Variants in MEF2B observed in about 807,000 individuals in gnomAD.
The protein encoded by MEF2B is myocyte-specific enhancer factor 2B.
MEF2B carries 15 observed loss-of-function variants against 32.2 expected under a neutral mutation model. The ratio of observed to expected loss-of-function variants is 0.47; its 90% CI spans 0.31 to 0.72. The LOEUF (loss-of-function observed/expected upper bound fraction) is 0.72, where lower values mean the gene tolerates loss of function less well. MEF2B is among the 30% of genes least tolerant of loss of function. The pLI is 0.05. For missense variants in MEF2B, 441 were observed against 511.5 expected (o/e 0.86, Z 1.33); for synonymous variants, 205 against 225.6 (o/e 0.91, Z 0.82).
intron 1 of MEF2B, among the ~76,000 whole-genome samples, chr19:19,158,191 G>A (rs1367013935): frequency 2.6e-5 from 4 of 151,328 alleles, no homozygotes; most frequent in Admixed American, 1.3e-4. Flanking sequence ...GAGTTCAAGC[G>A]ATTCTCCTGT....
intron 1 of MEF2B, among the ~76,000 whole-genome samples, 190 bp downstream of exon 1, chr19:19,170,000 CCACACCCTTCAGACA>C (rs2060241247): frequency 6.6e-6 from 1 of 152,130 alleles, no homozygotes; most frequent in African/African-American, 2.4e-5. Flanking sequence ...ACTTCCAGAC[CCACACCCTTCAGACA>C]CACACCCCTT....
In MEF2B at chr19:19,147,152, A is replaced by G. The variant is rs1423426462; in HGVS notation, c.425T>C (p.Val142Ala). The change falls in exon 5 of 9, where the codon GTG (valine) becomes GCG (alanine). Residue 142 changes from valine (V) to alanine (A), a missense_variant. This residue lies in a region of MEF2B where 326 missense variants were observed against 328.4 expected (regional missense o/e 0.99). Coordinates refer to ENST00000424583, the MANE Select transcript of MEF2B (RefSeq NM_001145785.2). ...TGGTGGCGGTAAGGCCCCGTATACC[A>G]CATCTGGGCTGGGCATAGCAGGAGC... The part of the protein sequence containing the change: ...PAAPAMPSPD[V>A]VYGALPPPGC... 1 of 1,589,990 alleles carries G rather than the reference A, an allele frequency of 6.3e-7. No homozygotes were observed. Among genetic ancestry groups the G allele is most frequent in the South Asian group, 1.1e-5 (1 of 87,970 alleles).
Position 19,149,232 on chromosome 19 carries a change from G to C in MEF2B, c.252C>G (p.Ile84Met), listed in dbSNP as rs867544586. 6.2e-7 allele frequency: 1 copy of C among 1,613,744 alleles called. No individual in the cohort carries two copies. The highest frequency in any genetic ancestry group is 2.2e-5 in the East Asian group (1 of 44,828). ...EPHESRTNTDILETLKRRGIG... is the reference protein window; with the variant it reads ...EPHESRTNTDMLETLKRRGIG... ...GGAGGAGGACCTGGGGTACCTCGAG[G>C]ATGTCAGTGTTGGTGCGGCTCTCGT... Residue 84 changes from isoleucine (I) to methionine (M), a missense_variant, in exon 3 of 9, where the codon ATC (isoleucine) becomes ATG (methionine). Physicochemically the swap from Ile to Met is conservative, Grantham distance 10. Transcript: ENST00000424583.
intron 1 of MEF2B, among the ~76,000 whole-genome samples, chr19:19,166,613 G>C (rs1446887520): frequency 2.1e-5 from 2 of 96,366 alleles, no homozygotes; most frequent in Admixed American, 1.1e-4. Flanking sequence ...AAAAAAAAAA[G>C]CCAGGCAAGG....
At chr19:19,161,850 C>T (rs1296689952) in intron 1 of MEF2B, among the ~76,000 whole-genome samples, 6 of 151,558 alleles carry the variant, frequency 4.0e-5, no homozygotes, top group Non-Finnish European at 8.8e-5. Flanking sequence ...CTTTGTCACC[C>T]AGGCTGGAGT....
At chr19:19,164,929 G>C (rs1810653417) in intron 1 of MEF2B, among the ~76,000 whole-genome samples, 1 of 152,180 alleles carries the variant, frequency 6.6e-6, no homozygotes, top group South Asian at 2.1e-4. Context: ...CTCCCTGCGG[G>C]GCCTCAGAAA....
At chr19:19,154,796 G>A (rs1277407839) in intron 1 of MEF2B, among the ~76,000 whole-genome samples, 2 of 152,204 alleles carry the variant, frequency 1.3e-5, no homozygotes, top group African/African-American at 4.8e-5. Flanking sequence ...CTCAGCTCAT[G>A]GCTTCCATGG....
chr19:19,168,276 T>C (rs1355577933), intron 1 of MEF2B, among the ~76,000 whole-genome samples: 2 of 146,328 alleles, frequency 1.4e-5, no homozygotes, highest in Non-Finnish European at 3.0e-5. Context: ...TTCTTTTTTT[T>C]TTTTTTTTTT....
chr19:19,147,054 G>A lies in MEF2B; in HGVS notation c.523C>T (p.Pro175Ser). The change falls in exon 5 of 9, where the codon CCC becomes TCC. Residue 175 changes from proline (P) to serine (S), a missense_variant. By Grantham distance (74) the Pro-to-Ser change is moderately conservative. Coordinates refer to ENST00000424583, the MANE Select transcript of MEF2B (RefSeq NM_001145785.2). ...TGCTCACCTGGGGGCCCGGCTTTGG[G>A]GGCTGCTGGTCGGAAGGGAGATGGG... ...SRPSPFRPAA[P>S]KAGPPGLVHP... 1 of 1,605,440 alleles carries A rather than the reference G, an allele frequency of 6.2e-7. No individual in the cohort carries two copies. The highest frequency in any genetic ancestry group is 8.5e-7 in the Non-Finnish European group (1 of 1,176,766).
rs367604408 is a variant in MEF2B, at chr19:19,163,551, C to T, written c.-30+6654G>A. Among the ~76,000 whole-genome samples the T allele has an allele frequency of 2.6e-5, 4 of 152,302 alleles. No homozygotes were observed. The East Asian group carries it at 5.8e-4, about 22-fold the overall frequency. ...GCATCTCGCCCTGCCGGCTTCCCAG[C>T]GCCTAGTACATAGAAGGCCCTCAAT... On this transcript the variant is annotated intron_variant, in intron 1 of 8. Coordinates refer to ENST00000424583, the MANE Select transcript of MEF2B (RefSeq NM_001145785.2).
chr19:19,164,966 T>C (rs1599735654), intron 1 of MEF2B, among the ~76,000 whole-genome samples: 1 of 152,182 alleles, frequency 6.6e-6, no homozygotes, highest in South Asian at 2.1e-4. Flanking sequence ...CCAGCCTCCC[T>C]GCTTGGGAAA....
Position 19,145,997 on chromosome 19 carries a change from C to A in MEF2B, c.907G>T (p.Gly303Cys). The change falls in exon 9 of 9, where the codon GGT becomes TGT. Residue 303 changes from glycine to cysteine, a missense_variant. Gly to Cys is a radical substitution (Grantham distance 159). Coordinates refer to ENST00000424583, the MANE Select transcript of MEF2B (RefSeq NM_001145785.2). This position sits in a 1 kb window ranked among gnomAD's most constrained non-coding sequence, Gnocchi z 4.6. ...PSGGRSLGEEGPPTRGASPPT... is the reference protein window; with the variant it reads ...PSGGRSLGEECPPTRGASPPT... ...GGGGAGGCGCCGCGGGTTGGGGGAC[C>A]CTCCTCGCCCAGGCTTCGGCCCCCA... 7.0e-7 allele frequency: 1 copy of A among 1,432,210 alleles called. No individual in the cohort carries two copies. The highest frequency in any genetic ancestry group is 9.1e-7 in the Non-Finnish European group (1 of 1,094,114). 88.7% of individuals were successfully genotyped at this position (1,432,210 alleles called of 1,614,324 possible).
At chr19:19,149,968 C>T (rs2060059065) in intron 2 of MEF2B, among the ~76,000 whole-genome samples, 2 of 150,996 alleles carry the variant, frequency 1.3e-5, no homozygotes, top group Admixed American at 6.6e-5. Flanking sequence ...GCCTGTAATC[C>T]CAGCTGTTCG....
At chr19:19,150,641 G>C in intron 2 of MEF2B, 41 bp downstream of exon 2, 1 of 1,613,384 alleles carries the variant, frequency 6.2e-7, no homozygotes, top group Non-Finnish European at 8.5e-7. Flanking sequence ...CCCCCTGCTA[G>C]GAATGTCTTT....
chr19:19,147,005 C>T, intron 5 of MEF2B, 31 bp downstream of exon 5: 5 of 1,573,148 alleles, frequency 3.2e-6, no homozygotes, highest in Non-Finnish European at 4.3e-6. Context: ...CCCCTCAGGA[C>T]CTCACCCCTG....
At chr19:19,165,381 T>G (rs2060199927) in intron 1 of MEF2B, among the ~76,000 whole-genome samples, 1 of 152,004 alleles carries the variant, frequency 6.6e-6, no homozygotes, top group Admixed American at 6.6e-5. Flanking sequence ...AGGCGGAGAT[T>G]GCAGTGAGCC....
intron 1 of MEF2B, among the ~76,000 whole-genome samples, chr19:19,158,310 A>C (rs535021076): frequency 6.8e-6 from 1 of 147,122 alleles, no homozygotes; most frequent in African/African-American, 2.5e-5. Flanking sequence ...CTGGTCTTAA[A>C]CTCCTGGCCT....
intron 1 of MEF2B, chr19:19,157,165 C>T (rs951437420): frequency 2.1e-5 from 4 of 189,498 alleles, no homozygotes; most frequent in South Asian, 8.5e-5. Flanking sequence ...GAAAAAGGGA[C>T]AAGCACTTGG....
intron 1 of MEF2B, among the ~76,000 whole-genome samples, chr19:19,166,168 G>A (rs566981297): frequency 1.7e-4 from 26 of 152,126 alleles, no homozygotes; most frequent in South Asian, 1.0e-3. Flanking sequence ...CCCAATCCTG[G>A]GCTTGTACCC....
Sources: gnomAD v4.1 joint callset for allele counts (sites outside exome capture counted in the v4.1 genomes callset) on GRCh38, gnomAD v4.1.1 for gene constraint, gnomAD v4.1.1 regional missense constraint, Gnocchi (gnomAD v3.1) non-coding constraint, MANE v1.5 for transcripts, NCBI Gene and HGNC (gene_info 2026-07-23, HGNC 2026-07-21) for gene names.